LHFPL2: variants seen among roughly 807,000 people sequenced by gnomAD.
LHFPL2 encodes LHFPL tetraspan subfamily member 2, also known as LHFPL tetraspan subfamily member 2 protein.
A neutral mutation model predicts 17.5 loss-of-function variants in LHFPL2; 7 were observed. The ratio of observed to expected loss-of-function variants is 0.40; its 90% CI spans 0.23 to 0.75. The LOEUF (loss-of-function observed/expected upper bound fraction) is 0.75. Ranked by LOEUF, LHFPL2 falls within the 30% of genes least tolerant of loss-of-function variation. The probability of loss-of-function intolerance (pLI) is 0.37; values close to 1 mark genes in which losing one functional copy is unlikely to be tolerated. For synonymous variants in LHFPL2, 134 were observed against 116.2 expected (o/e 1.15, Z -0.99); for missense variants, 241 against 294.8 (o/e 0.82, Z 1.34).
chr5:78,600,695 T>G (rs901454013), intron 2 of LHFPL2, among the ~76,000 whole-genome samples: 6 of 152,196 alleles, frequency 3.9e-5, no homozygotes, highest in Non-Finnish European at 5.9e-5. Context: ...GCCATTGCAC[T>G]GCAGCCTGGG....
At chr5:78,539,229 C>T (rs768924043) in intron 3 of LHFPL2, among the ~76,000 whole-genome samples, 14 of 152,286 alleles carry the variant, frequency 9.2e-5, no homozygotes, top group South Asian at 8.3e-4. Flanking sequence ...ATCTTGGAAG[C>T]GGATAGCAGC....
chr5:78,498,032 G>A (rs765454574), intron 4 of LHFPL2, among the ~76,000 whole-genome samples: 22 of 152,196 alleles, frequency 1.4e-4, no homozygotes, highest in East Asian at 3.8e-4. Flanking sequence ...GGAGCAGCAC[G>A]CGGGAGAAGG....
chr5:78,616,407 A>G (rs112896416), intron 2 of LHFPL2, among the ~76,000 whole-genome samples: 3,748 of 152,166 alleles, frequency 0.025, 75 homozygotes, highest in African/African-American at 0.05. Flanking sequence ...GATTACAGGC[A>G]TGAACCACCG....
intron 2 of LHFPL2, among the ~76,000 whole-genome samples, chr5:78,610,025 G>A (rs1003917344): frequency 1.3e-4 from 20 of 152,186 alleles, no homozygotes; most frequent in South Asian, 4.2e-4. Flanking sequence ...TAAACCTGCC[G>A]GGGGATCAGA....
intron 2 of LHFPL2, among the ~76,000 whole-genome samples, chr5:78,620,505 G>A (rs1744813278): frequency 1.3e-5 from 2 of 152,296 alleles, no homozygotes; most frequent in South Asian, 2.1e-4. Context: ...AGATTGAAAA[G>A]CACCTCCCAT....
intron 2 of LHFPL2, among the ~76,000 whole-genome samples, chr5:78,609,679 GCAA>G (rs1220584296): frequency 1.3e-5 from 2 of 151,896 alleles, no homozygotes; most frequent in African/African-American, 4.8e-5. Flanking sequence ...CAAAATATGG[GCAA>G]CAACAATTTC....
In LHFPL2 at chr5:78,494,803, G is replaced by A. The variant is rs79025750; in HGVS notation, c.431-5650C>T. 1.9e-3 allele frequency among the ~76,000 whole-genome samples: 284 copies of A among 152,322 alleles called. 6 individuals are homozygous for A. The East Asian group carries it at 0.043, about 23-fold the overall frequency. ...GAGTTTCTTTGGGGAATCTAAATAC[G>A]TGGTTTGCATTTAACAGAAATAATC... On this transcript the variant is annotated intron_variant, in intron 4 of 4. Transcript: ENST00000380345.
intron 2 of LHFPL2, among the ~76,000 whole-genome samples, chr5:78,574,986 TA>T (rs1468085242): frequency 6.6e-6 from 1 of 152,104 alleles, no homozygotes; most frequent in African/African-American, 2.4e-5. Flanking sequence ...CATCATTTCA[TA>T]AAAGAATCGA....
At chr5:78,501,507 G>T (rs892940024) in intron 4 of LHFPL2, among the ~76,000 whole-genome samples, 2 of 152,190 alleles carry the variant, frequency 1.3e-5, no homozygotes, top group Admixed American at 1.3e-4. Flanking sequence ...TTTATTTACT[G>T]TGCAAGTATC....
rs1422921075 is a variant in LHFPL2, at chr5:78,533,130, G to T, written c.-185-22732C>A. ...TGCTAAGGATTTACTGCTCTACGGG[G>T]GTGAAAACTAATTCCTTAGGTCCAG... On this transcript the variant is annotated intron_variant, in intron 3 of 4. Transcript: ENST00000380345. Among the ~76,000 whole-genome samples the T allele has an allele frequency of 3.9e-5, 6 of 152,094 alleles. No individual in the cohort carries two copies. In the East Asian group the frequency reaches 1.2e-3, roughly 29 times the overall value.
chr5:78,636,020 G>GCACACACACACACACACACA (rs1419808281), intron 1 of LHFPL2, among the ~76,000 whole-genome samples: 1 of 150,290 alleles, frequency 6.7e-6, no homozygotes, highest in African/African-American at 2.5e-5. Flanking sequence ...ACACACACAC[G>GCACACACACACACACACACA]CGCACACAAA....
At chr5:78,565,906 C>A (rs558395128) in intron 2 of LHFPL2, among the ~76,000 whole-genome samples, 1 of 152,236 alleles carries the variant, frequency 6.6e-6, no homozygotes, top group South Asian at 2.1e-4. Context: ...GATGACTAGC[C>A]AGTTAGCTTT....
chr5:78,578,416 CAG>C (rs1491067527), intron 2 of LHFPL2, among the ~76,000 whole-genome samples: 2 of 152,106 alleles, frequency 1.3e-5, no homozygotes, highest in African/African-American at 4.8e-5. Context: ...CTCTCTCTCA[CAG>C]GGGGGTTTTG....
intron 3 of LHFPL2, among the ~76,000 whole-genome samples, chr5:78,539,070 A>C (rs566941428): frequency 6.6e-6 from 1 of 152,312 alleles, no homozygotes; most frequent in South Asian, 2.1e-4. Flanking sequence ...AAATGGTATT[A>C]AGAGGTGTGG....
At chr5:78,623,364 T>C (rs976493157) in intron 2 of LHFPL2, among the ~76,000 whole-genome samples, 1 of 152,238 alleles carries the variant, frequency 6.6e-6, no homozygotes, top group African/African-American at 2.4e-5. Flanking sequence ...AATTCCATCA[T>C]GTTTCAGCAT....
intron 3 of LHFPL2, among the ~76,000 whole-genome samples, chr5:78,513,945 A>C (rs1755212493): frequency 6.6e-6 from 1 of 152,234 alleles, no homozygotes. Context: ...TGGCAGGACA[A>C]GGGACCATCT....
chr5:78,624,033 C>T (rs1744950034), intron 2 of LHFPL2, among the ~76,000 whole-genome samples: 1 of 152,230 alleles, frequency 6.6e-6, no homozygotes, highest in Non-Finnish European at 1.5e-5. Context: ...AGATGAAATA[C>T]ACTCTTTTCA....
chr5:78,585,923 C>G (rs941857425), intron 2 of LHFPL2, among the ~76,000 whole-genome samples: 1 of 152,172 alleles, frequency 6.6e-6, no homozygotes, highest in South Asian at 2.1e-4. Flanking sequence ...AAGCCGTTCA[C>G]GTACTACCTC....
Position 78,508,341 on chromosome 5 carries a change from A to T in LHFPL2, c.430+1443T>A, listed in dbSNP as rs989908667. 4.2e-4 allele frequency among the ~76,000 whole-genome samples: 64 copies of T among 152,318 alleles called. 2 individuals are homozygous for T. The highest frequency in any genetic ancestry group is 7.3e-5 in the Non-Finnish European group (5 of 68,030). ...GCCTGAGTCACTTGTGGTGTGGCTG[A>T]TCCTGGCAGATGTAGAGATGAGGGA... On this transcript the variant is annotated intron_variant, in intron 4 of 4. Transcript: ENST00000380345.
Sources: allele counts gnomAD v4.1 joint callset (sites outside exome capture counted in the v4.1 genomes callset), GRCh38; gene constraint gnomAD v4.1.1; transcripts MANE v1.5; gene names NCBI Gene and HGNC (gene_info 2026-07-23, HGNC 2026-07-21).